AKAP10: variants seen among roughly 807,000 people sequenced by gnomAD.
AKAP10 encodes the protein A-kinase anchoring protein 10, also known as A-kinase anchor protein 10, mitochondrial.
AKAP10 carries 24 observed loss-of-function variants against 80.8 expected under a neutral mutation model. The ratio of observed to expected loss-of-function variants is 0.30; its 90% CI spans 0.22 to 0.42. The LOEUF (loss-of-function observed/expected upper bound fraction) is 0.42. AKAP10 is among the 10% of genes least tolerant of loss of function. The pLI is 1.00. For synonymous variants in AKAP10, 291 were observed against 277.7 expected, an observed-to-expected ratio of 1.05 and a Z score of -0.48; for missense variants, 661 against 794.9, an observed-to-expected ratio of 0.83 and a Z score of 2.03.
intron 8 of AKAP10, among the ~76,000 whole-genome samples, chr17:19,937,363 G>A (rs1347475354): frequency 1.3e-5 from 2 of 152,062 alleles, no homozygotes; most frequent in Admixed American, 6.6e-5. Flanking sequence ...TTAGCTGGGC[G>A]TGGTGGCCCC....
In AKAP10 at chr17:19,924,449, T is replaced by G; in HGVS notation, c.1710A>C (p.Ala570=). Reference sequence around the variant, plus strand: ...GATATAAAGATTCTGGATCCAGACTTGCCGCATCCACAATTATCGCTTCAT... The same window carrying G: ...GATATAAAGATTCTGGATCCAGACTGGCCGCATCCACAATTATCGCTTCAT... The part of the protein sequence containing the change: ...NFDEAIIVDA[A]SLDPESLYQR... Residue 570 remains alanine (A), a synonymous_variant, in exon 11 of 15, where the codon GCA becomes GCC. Transcript: ENST00000225737. 6.2e-7 allele frequency: 1 copy of G among 1,607,896 alleles called. No individual in the cohort carries two copies. Among genetic ancestry groups the G allele is most frequent in the Admixed American group, 1.7e-5 (1 of 59,506 alleles).
chr17:19,931,968 G>A lies in AKAP10; in HGVS notation c.1478C>T (p.Pro493Leu). The change falls in exon 10 of 15, where the codon CCT becomes CTT. Residue 493 changes from proline (P) to leucine (L), a missense_variant. Pro to Leu is a moderately conservative substitution (Grantham distance 98). Transcript: ENST00000225737. ...ATAAAGATTGCTGGACAAAAAGCCA[G>A]GCAAAAAGACCTGATAGAGATGAAA... ...AWTTMEKVFL[P>L]GFLSSNLYYK... The A allele has an allele frequency of 6.2e-7, 1 of 1,610,124 alleles. No homozygotes were observed. Among genetic ancestry groups the A allele is most frequent in the Non-Finnish European group, 8.5e-7 (1 of 1,178,798 alleles).
In AKAP10 at chr17:19,916,207, C is replaced by A. The variant is rs77185880; in HGVS notation, c.1834+3829G>T. On this transcript the variant is annotated intron_variant, in intron 12 of 14. Coordinates refer to ENST00000225737, the MANE Select transcript of AKAP10 (RefSeq NM_007202.4). ...GTGAGGCCTTTCCTGACAACCACCT[C>A]GAAAATAGCACTCCCTACTACTCTC... Among the ~76,000 whole-genome samples, 406 of 152,302 alleles carry A rather than the reference C, an allele frequency of 2.7e-3. 15 individuals are homozygous for A. The East Asian group carries it at 0.074, about 28-fold the overall frequency.
chr17:19,963,166 G>A, intron 2 of AKAP10, 144 bp from the exon 3 acceptor site: 4 of 523,628 alleles, frequency 7.6e-6, no homozygotes, highest in East Asian at 3.5e-5. Flanking sequence ...TACTTAAGAG[G>A]AAAAGTAACT....
chr17:19,966,801 C>T (rs916621615), intron 2 of AKAP10, among the ~76,000 whole-genome samples: 1 of 127,646 alleles, frequency 7.8e-6, no homozygotes, highest in Non-Finnish European at 1.8e-5. Context: ...TTCTCACTGC[C>T]TGAAACATCT....
intron 4 of AKAP10, among the ~76,000 whole-genome samples, chr17:19,949,376 A>T (rs1208291784): frequency 6.6e-6 from 1 of 152,138 alleles, no homozygotes; most frequent in African/African-American, 2.4e-5. Flanking sequence ...AAATTTAAAG[A>T]AGTAAGGAAA....
At chr17:19,969,150 C>T (rs2043462443) in intron 1 of AKAP10, among the ~76,000 whole-genome samples, 1 of 152,170 alleles carries the variant, frequency 6.6e-6, no homozygotes, top group South Asian at 2.1e-4. Context: ...TCAAGACCAG[C>T]CTGGCCAACA....
intron 1 of AKAP10, among the ~76,000 whole-genome samples, chr17:19,977,334 C>T (rs1402180683): frequency 6.6e-6 from 1 of 152,224 alleles, no homozygotes; most frequent in Non-Finnish European, 1.5e-5. Context: ...CTTAACCAAA[C>T]AGGCAGGAAC....
intron 4 of AKAP10, among the ~76,000 whole-genome samples, chr17:19,955,862 T>G (rs571817622): frequency 6.6e-6 from 1 of 152,098 alleles, no homozygotes; most frequent in Non-Finnish European, 1.5e-5. Flanking sequence ...AGAAACAGAC[T>G]TTGGACTTCC....
At chr17:19,931,514 C>T (rs536020842) in intron 10 of AKAP10, among the ~76,000 whole-genome samples, 2 of 151,882 alleles carry the variant, frequency 1.3e-5, no homozygotes, top group African/African-American at 4.8e-5. Flanking sequence ...CCTCAGCCTC[C>T]CAAGTAGCTA....
rs754704606 is a variant in AKAP10, at chr17:19,906,226, G to C, written c.*1C>G. ...AGATTTCCTTTATCTCAAGTTTTGA[G>C]TCATAACTGAAAAAAGAAAAGAAAA... On this transcript the variant is annotated 3_prime_UTR_variant, in exon 15 of 15. Coordinates refer to ENST00000225737, the MANE Select transcript of AKAP10 (RefSeq NM_007202.4). 1.2e-6 allele frequency: 2 copies of C among 1,607,434 alleles called. No individual in the cohort carries two copies. The highest frequency in any genetic ancestry group is 1.7e-6 in the Non-Finnish European group (2 of 1,177,934).
chr17:19,915,533 T>C (rs2042734710), intron 12 of AKAP10, among the ~76,000 whole-genome samples: 1 of 152,168 alleles, frequency 6.6e-6, no homozygotes, highest in African/African-American at 2.4e-5. Flanking sequence ...AAAAAATACT[T>C]GACTTAAAGA....
At chr17:19,927,337 A>AAAAC (rs969231579) in intron 10 of AKAP10, among the ~76,000 whole-genome samples, 32 of 152,124 alleles carry the variant, frequency 2.1e-4, no homozygotes, top group Middle Eastern at 3.4e-3. Flanking sequence ...TTATCTTAAA[A>AAAAC]AAACAAACAA....
chr17:19,963,034 C>T lies in AKAP10; in HGVS notation c.137-12G>A. On this transcript the variant is annotated splice_polypyrimidine_tract_variant and intron_variant, in intron 2 of 14. Coordinates refer to ENST00000225737, the MANE Select transcript of AKAP10 (RefSeq NM_007202.4). ...TACGGATATTGAAGCTATAATTTTT[C>T]AAAAAATTGTTAAGAATTAAACACA... 1.9e-6 allele frequency: 3 copies of T among 1,582,838 alleles called. No homozygotes were observed. Among genetic ancestry groups the T allele is most frequent in the Non-Finnish European group, 2.6e-6 (3 of 1,159,440 alleles).
rs923844674 is a variant in AKAP10 at position 19,905,227 on chromosome 17, T to G, written c.*1000A>C. 2 of 151,912 alleles carry G rather than the reference T, an allele frequency of 1.3e-5. No homozygotes were observed. The highest frequency in any genetic ancestry group is 2.9e-5 in the Non-Finnish European group (2 of 68,022). The allele number at this position is 151,912 out of a possible 1,614,324, so 9.4% of individuals were successfully genotyped here. A position where few individuals can be genotyped will look rare whatever the true frequency, so the allele number is the denominator to read the frequency against. On this transcript the variant is annotated 3_prime_UTR_variant, in exon 15 of 15. Transcript: ENST00000225737. ...GAAGTGCAGTGAGTGAGTCTCTTAC[T>G]ATCCTAAAGAAAGGAGAAGAAAGAC...
At chr17:19,931,117 C>T (rs531678516) in intron 10 of AKAP10, among the ~76,000 whole-genome samples, 1 of 151,540 alleles carries the variant, frequency 6.6e-6, no homozygotes, top group South Asian at 2.1e-4. Flanking sequence ...CAGGTTGCAG[C>T]GAGGAGACCC....
intron 11 of AKAP10, among the ~76,000 whole-genome samples, chr17:19,923,192 C>T (rs1189867275): frequency 1.3e-5 from 2 of 151,966 alleles, no homozygotes; most frequent in African/African-American, 2.4e-5. Flanking sequence ...ATTCTCCTGC[C>T]TCAGCCTCCG....
intron 9 of AKAP10, among the ~76,000 whole-genome samples, chr17:19,932,794 G>GTT (rs565011747): frequency 6.8e-6 from 1 of 147,180 alleles, no homozygotes; most frequent in Non-Finnish European, 1.5e-5. Context: ...TTTCCACATT[G>GTT]TTTTTTTTTC....
chr17:19,937,789 T>C (rs2036786423), intron 8 of AKAP10, among the ~76,000 whole-genome samples: 1 of 152,206 alleles, frequency 6.6e-6, no homozygotes, highest in Admixed American at 6.5e-5. Context: ...TAACTTGTTC[T>C]GTGACTTTGA....
Sources: gnomAD v4.1 joint callset for allele counts (sites outside exome capture counted in the v4.1 genomes callset) on GRCh38, gnomAD v4.1.1 for gene constraint, MANE v1.5 for transcripts, NCBI Gene and HGNC (gene_info 2026-07-23, HGNC 2026-07-21) for gene names.